ATP10B: variants seen among roughly 807,000 people sequenced by gnomAD.
ATP10B encodes the protein ATPase phospholipid transporting 10B (putative), also known as phospholipid-transporting ATPase VB.
In ATP10B, 122 loss-of-function variants were observed where a neutral mutation model predicts 141.2. The ratio of observed to expected loss-of-function variants is 0.86; its 90% CI spans 0.75 to 1.00. The LOEUF (loss-of-function observed/expected upper bound fraction) is 1.00. Ranked by LOEUF, ATP10B falls within the 50% of genes least tolerant of loss-of-function variation. The pLI is 0.00. For missense variants in ATP10B, 1,876 were observed against 1,825.3 expected (o/e 1.03, Z -0.51); for synonymous variants, 685 against 692.0 (o/e 0.99, Z 0.16).
chr5:160,587,832 T>C (rs1193196211), intron 24 of ATP10B, among the ~76,000 whole-genome samples: 2 of 152,112 alleles, frequency 1.3e-5, no homozygotes, highest in Non-Finnish European at 2.9e-5. Flanking sequence ...TTTTTGGGCT[T>C]AGATAATCTT....
intron 3 of ATP10B, among the ~76,000 whole-genome samples, chr5:160,716,223 A>T (rs1386534446): frequency 6.6e-6 from 1 of 152,248 alleles, no homozygotes; most frequent in Non-Finnish European, 1.5e-5. Flanking sequence ...ATAATAGAAT[A>T]TCTAATGGCA....
At chr5:160,663,615 A>G (rs1180764732) in intron 7 of ATP10B, among the ~76,000 whole-genome samples, 1 of 152,162 alleles carries the variant, frequency 6.6e-6, no homozygotes, top group Non-Finnish European at 1.5e-5. Context: ...CAGGAAGGGG[A>G]ACATCACACA....
chr5:160,569,297 G>A (rs976799002), intron 25 of ATP10B, among the ~76,000 whole-genome samples, 199 bp downstream of exon 25: 1 of 152,178 alleles, frequency 6.6e-6, no homozygotes, highest in Non-Finnish European at 1.5e-5. Context: ...TTGCTACTTT[G>A]TGGCTAACCT....
the ATP10B span, among the ~76,000 whole-genome samples, chr5:160,926,517 A>G: frequency 4.1e-4 from 63 of 152,374 alleles, no homozygotes; most frequent in African/African-American, 1.4e-3. Flanking sequence ...ACAGGAGCCA[A>G]CCTGAGGATC....
chr5:160,879,313 A>T, the ATP10B span, among the ~76,000 whole-genome samples: 5 of 92,814 alleles, frequency 5.4e-5, no homozygotes, highest in Admixed American at 1.2e-4. Flanking sequence ...ACATATTCTC[A>T]CTCATAGGTG....
intron 24 of ATP10B, among the ~76,000 whole-genome samples, chr5:160,584,909 T>C (rs920786014): frequency 2.0e-5 from 3 of 152,236 alleles, no homozygotes; most frequent in Non-Finnish European, 2.9e-5. Flanking sequence ...TGGCTTTTAT[T>C]GTTTGGTCAC....
intron 13 of ATP10B, among the ~76,000 whole-genome samples, chr5:160,625,326 G>A (rs929822357): frequency 3.3e-5 from 5 of 152,148 alleles, no homozygotes; most frequent in African/African-American, 7.2e-5. Context: ...CAATAGATGC[G>A]TTTGTATATC....
chr5:160,644,085 G>A, intron 9 of ATP10B, 53 bp downstream of exon 9: 1 of 1,445,246 alleles, frequency 6.9e-7, no homozygotes, highest in Admixed American at 1.7e-5. Context: ...GATGGATTTG[G>A]AGGGGGAAGG....
chr5:160,601,829 G>A (rs1035657206), intron 21 of ATP10B, among the ~76,000 whole-genome samples: 1 of 152,196 alleles, frequency 6.6e-6, no homozygotes, highest in Non-Finnish European at 1.5e-5. Context: ...TTGCCAAGTA[G>A]ATATTTTATT....
intron 7 of ATP10B, among the ~76,000 whole-genome samples, chr5:160,653,891 A>T (rs1254931341): frequency 1.1e-5 from 1 of 95,176 alleles, no homozygotes; most frequent in Non-Finnish European, 1.9e-5. Context: ...ATATATAAAT[A>T]TATGTAGTAT....
chr5:160,746,351 A>G (rs1320047799), intron 2 of ATP10B, among the ~76,000 whole-genome samples: 1 of 151,494 alleles, frequency 6.6e-6, no homozygotes, highest in Non-Finnish European at 1.5e-5. Flanking sequence ...CCACTTACAT[A>G]ATGTTCAGGA....
At chr5:160,789,635 C>A (rs1043412248) in intron 1 of ATP10B, among the ~76,000 whole-genome samples, 1 of 152,148 alleles carries the variant, frequency 6.6e-6, no homozygotes, top group African/African-American at 2.4e-5. Context: ...CTGTGCTAAG[C>A]ACTTTGCATC....
At chr5:160,710,238 G>T (rs1765305220) in intron 3 of ATP10B, among the ~76,000 whole-genome samples, 1 of 31,202 alleles carries the variant, frequency 3.2e-5, no homozygotes, top group African/African-American at 1.3e-4. Context: ...CAGTGTAAAA[G>T]TGTTCCTATT....
the ATP10B span, among the ~76,000 whole-genome samples, chr5:160,883,884 A>C: frequency 2.0e-5 from 3 of 152,156 alleles, no homozygotes; most frequent in East Asian, 3.9e-4. Flanking sequence ...ACAGTTCAAC[A>C]ATCAGTGAAC....
At chr5:160,925,743 T>C in the ATP10B span, among the ~76,000 whole-genome samples, 5 of 152,374 alleles carry the variant, frequency 3.3e-5, 1 homozygote, top group African/African-American at 1.2e-4. Flanking sequence ...TCTCCTTTGG[T>C]AAGTTGCATC....
chr5:160,753,137 TG>T (rs1021214902), intron 2 of ATP10B, among the ~76,000 whole-genome samples: 8 of 152,206 alleles, frequency 5.3e-5, no homozygotes, highest in African/African-American at 1.9e-4. Context: ...TCAAAAAGTT[TG>T]GACCATTTTC....
intron 2 of ATP10B, among the ~76,000 whole-genome samples, chr5:160,746,425 T>A (rs556977291): frequency 6.6e-6 from 1 of 151,650 alleles, no homozygotes; most frequent in Admixed American, 6.6e-5. Flanking sequence ...TGAGTCTTGC[T>A]CTATTGCCCA....
the ATP10B span, among the ~76,000 whole-genome samples, chr5:160,884,277 A>C: frequency 6.6e-6 from 1 of 152,182 alleles, no homozygotes; most frequent in Admixed American, 6.5e-5. Context: ...TGTGTGTAAG[A>C]GTCAAAGAGT....
intron 6 of ATP10B, among the ~76,000 whole-genome samples, chr5:160,682,478 C>A (rs944598047): frequency 4.6e-5 from 7 of 152,178 alleles, no homozygotes; most frequent in African/African-American, 1.7e-4. Flanking sequence ...TTGGAAACAA[C>A]AACAGCAGCC....
Sources: allele counts gnomAD v4.1 joint callset (sites outside exome capture counted in the v4.1 genomes callset), GRCh38; gene constraint gnomAD v4.1.1; transcripts MANE v1.5; gene names NCBI Gene and HGNC (gene_info 2026-07-23, HGNC 2026-07-21).